The following CNTN1 variants were observed in gnomAD, a reference collection of about 807,000 sequenced individuals.
CNTN1 encodes the protein contactin-1.
In CNTN1, 38 loss-of-function variants were observed where a neutral mutation model predicts 126.4. The ratio of observed to expected loss-of-function variants is 0.30; its 90% confidence interval spans 0.23 to 0.39. The LOEUF (loss-of-function observed/expected upper bound fraction) is 0.39. CNTN1 is among the 10% of genes least tolerant of loss of function. The pLI, the probability that CNTN1 is intolerant of heterozygous loss-of-function variation, is 1.00. For synonymous variants in CNTN1, 413 were observed against 422.6 expected (o/e 0.98, Z 0.28); for missense variants, 1,009 against 1,248.4 (o/e 0.81, Z 2.89).
chr12:41,042,488 C>T (rs1255791574), intron 23 of CNTN1, among the ~76,000 whole-genome samples: 3 of 151,910 alleles, frequency 2.0e-5, no homozygotes, highest in African/African-American at 7.3e-5. Flanking sequence ...CTTTCTGTCT[C>T]GTTGATCTGT....
At chr12:40,847,677 A>C (rs898392840) in intron 1 of CNTN1, among the ~76,000 whole-genome samples, 8 of 152,332 alleles carry the variant, frequency 5.3e-5, no homozygotes, top group African/African-American at 1.9e-4. Flanking sequence ...TAGCAATTAC[A>C]ATTATATTTT....
intron 1 of CNTN1, among the ~76,000 whole-genome samples, chr12:40,902,925 G>C (rs1457893912): frequency 5.3e-5 from 8 of 152,110 alleles, no homozygotes; most frequent in African/African-American, 1.9e-4. Flanking sequence ...GTTGTCTAAA[G>C]GAAAGAGGGA....
intron 1 of CNTN1, among the ~76,000 whole-genome samples, chr12:40,872,039 C>A (rs1943516611): frequency 6.6e-6 from 1 of 151,932 alleles, no homozygotes; most frequent in African/African-American, 2.4e-5. Context: ...TTTTATGGGG[C>A]CCCTTTCTTG....
At position 40,862,108 on chromosome 12, in the gene CNTN1, G is replaced by A. The variant is rs148314401; in HGVS notation, c.-76-46249G>A. Among the ~76,000 whole-genome samples, 570 of 151,704 alleles carry A rather than the reference G, an allele frequency of 3.8e-3. 3 individuals carry two copies. The highest frequency in any genetic ancestry group is 0.013 in the African/African-American group (531 of 41,306). ...GCACCTAGCTTCTCAGAAGTCTGACGTGGAACAATCACTTGTGCCCAGGAG... is the reference window on the plus strand; with the variant it reads ...GCACCTAGCTTCTCAGAAGTCTGACATGGAACAATCACTTGTGCCCAGGAG... On this transcript the variant is annotated intron_variant, in intron 1 of 23. Transcript: ENST00000551295.
intron 20 of CNTN1, among the ~76,000 whole-genome samples, chr12:41,022,683 A>T (rs1948946864): frequency 6.6e-6 from 1 of 152,168 alleles, no homozygotes; most frequent in South Asian, 2.1e-4. Context: ...TGTGCTAAAC[A>T]CTTAACTAAG....
At chr12:40,705,470 A>G (rs1941713727) in intron 1 of CNTN1, among the ~76,000 whole-genome samples, 2 of 151,822 alleles carry the variant, frequency 1.3e-5, no homozygotes, top group African/African-American at 4.8e-5. Flanking sequence ...TCTACATCAG[A>G]TCACAGTTTT....
intron 1 of CNTN1, among the ~76,000 whole-genome samples, chr12:40,772,950 G>A (rs1384260673): frequency 6.6e-6 from 1 of 151,836 alleles, no homozygotes; most frequent in African/African-American, 2.4e-5. Flanking sequence ...AAGTGGAAAA[G>A]AAGTATACAT....
At chr12:40,802,100 T>A (rs1238159637) in intron 1 of CNTN1, among the ~76,000 whole-genome samples, 1 of 151,938 alleles carries the variant, frequency 6.6e-6, no homozygotes, top group East Asian at 1.9e-4. Flanking sequence ...GAAGACCAGA[T>A]TTTGGGAAAA....
intron 1 of CNTN1, among the ~76,000 whole-genome samples, chr12:40,764,214 C>A (rs1452621193): frequency 6.6e-6 from 1 of 152,082 alleles, no homozygotes; most frequent in Non-Finnish European, 1.5e-5. Flanking sequence ...GGGTTAGGAA[C>A]GTTAAAGAAC....
At chr12:40,871,131 G>A (rs1943473702) in intron 1 of CNTN1, among the ~76,000 whole-genome samples, 1 of 143,972 alleles carries the variant, frequency 6.9e-6, no homozygotes, top group Non-Finnish European at 1.5e-5. Flanking sequence ...TTTGTTGGGA[G>A]TCAGTTATGT....
At chr12:41,018,077 C>T (rs555968763) in intron 19 of CNTN1, among the ~76,000 whole-genome samples, 72 of 149,852 alleles carry the variant, frequency 4.8e-4, no homozygotes, top group South Asian at 1.3e-3. Context: ...GCAACAAAAG[C>T]GAAAGTCCAT....
intron 1 of CNTN1, among the ~76,000 whole-genome samples, chr12:40,856,832 G>T (rs1243287387): frequency 2.6e-5 from 4 of 152,002 alleles, no homozygotes; most frequent in African/African-American, 9.7e-5. Flanking sequence ...ACTTGAGAAT[G>T]CATAGTTCCG....
intron 23 of CNTN1, among the ~76,000 whole-genome samples, chr12:41,049,359 C>T (rs1398479907): frequency 3.9e-5 from 6 of 152,240 alleles, no homozygotes; most frequent in African/African-American, 1.4e-4. Context: ...CTAATTTAAA[C>T]TCTTCCCCAT....
At chr12:40,807,773 A>G (rs1940914027) in intron 1 of CNTN1, among the ~76,000 whole-genome samples, 1 of 152,188 alleles carries the variant, frequency 6.6e-6, no homozygotes, top group East Asian at 1.9e-4. Flanking sequence ...TTAGGTAACT[A>G]CCTTGTAAAC....
chr12:40,736,832 A>G (rs1419627038), intron 1 of CNTN1, among the ~76,000 whole-genome samples: 2 of 152,092 alleles, frequency 1.3e-5, no homozygotes, highest in Non-Finnish European at 2.9e-5. Flanking sequence ...CAAACAAAGG[A>G]AAAACAATGG....
chr12:40,881,740 G>C (rs577283851), intron 1 of CNTN1, among the ~76,000 whole-genome samples: 1 of 151,738 alleles, frequency 6.6e-6, no homozygotes, highest in Non-Finnish European at 1.5e-5. Context: ...TGCAGATCTC[G>C]AGTAGGTGAT....
intron 1 of CNTN1, among the ~76,000 whole-genome samples, chr12:40,798,370 T>G (rs1275844644): frequency 6.6e-6 from 1 of 151,996 alleles, no homozygotes; most frequent in African/African-American, 2.4e-5. Flanking sequence ...CTGTACTTTC[T>G]TAGTCAATCT....
At chr12:41,057,385 A>G (rs921288285) in intron 23 of CNTN1, among the ~76,000 whole-genome samples, 5 of 151,718 alleles carry the variant, frequency 3.3e-5, no homozygotes, top group African/African-American at 1.2e-4. Flanking sequence ...GATAAATAAC[A>G]CTTAAAAATC....
chr12:40,901,170 GCATAGCTAGTAATA>G (rs953575797), intron 1 of CNTN1, among the ~76,000 whole-genome samples: 4 of 151,884 alleles, frequency 2.6e-5, no homozygotes, highest in African/African-American at 9.7e-5. Flanking sequence ...GCCCAAAAAT[GCATAGCTAGTAATA>G]CAGCCAGGGT....
Sources: gnomAD v4.1 joint callset for allele counts (sites outside exome capture counted in the v4.1 genomes callset) on GRCh38, gnomAD v4.1.1 for gene constraint, MANE v1.5 for transcripts, NCBI Gene and HGNC (gene_info 2026-07-23, HGNC 2026-07-21) for gene names.